The following ANKHD1 variants were observed in gnomAD, a reference collection of about 807,000 sequenced individuals.
The protein encoded by ANKHD1 is ankyrin repeat and KH domain-containing protein 1.
ANKHD1 carries 31 observed loss-of-function variants against 230.5 expected under a neutral mutation model. The observed-to-expected ratio is 0.13, with a 90% CI of 0.10 to 0.18. ANKHD1 has a LOEUF of 0.18. Among genes scored for constraint, ANKHD1 ranks in the 10% least tolerant of loss-of-function variants. The pLI is 1.00. For synonymous variants in ANKHD1, 1,074 were observed against 1,117.6 expected, an observed-to-expected ratio of 0.96 and a Z score of 0.78; for missense variants, 2,256 against 3,071.3, an observed-to-expected ratio of 0.73 and a Z score of 6.27.
At chr5:140,451,480 G>A (rs534459827) in intron 7 of ANKHD1, among the ~76,000 whole-genome samples, 109 of 152,258 alleles carry the variant, frequency 7.2e-4, no homozygotes, top group South Asian at 1.2e-3. Context: ...GTCTTGATGG[G>A]TATTGAAATT....
intron 24 of ANKHD1, among the ~76,000 whole-genome samples, chr5:140,519,313 T>C (rs1753203306): frequency 6.6e-6 from 1 of 152,162 alleles, no homozygotes; most frequent in African/African-American, 2.4e-5. Context: ...TCCATGCTCA[T>C]GAGTAGGAAG....
intron 1 of ANKHD1, among the ~76,000 whole-genome samples, chr5:140,427,929 G>A (rs1244661812): frequency 1.3e-5 from 2 of 151,546 alleles, no homozygotes; most frequent in African/African-American, 4.9e-5. Context: ...CGGGGCGGTT[G>A]CCAGGCAGAG....
intron 5 of ANKHD1, among the ~76,000 whole-genome samples, chr5:140,445,149 C>G (rs1467223740): frequency 6.6e-6 from 1 of 151,854 alleles, no homozygotes; most frequent in Non-Finnish European, 1.5e-5. Flanking sequence ...TGTGAGCCAT[C>G]GCACCTGGCC....
intron 1 of ANKHD1, among the ~76,000 whole-genome samples, chr5:140,427,982 CCT>C (rs1482810488): frequency 6.6e-6 from 1 of 151,950 alleles, no homozygotes; most frequent in African/African-American, 2.4e-5. Flanking sequence ...CAGAGACACT[CCT>C]CACATCCCGG....
chr5:140,475,704 C>G (rs1750926025), intron 10 of ANKHD1, among the ~76,000 whole-genome samples: 1 of 152,090 alleles, frequency 6.6e-6, no homozygotes. Flanking sequence ...AGACAAGAAC[C>G]TTAGGTGTCC....
At chr5:140,493,276 G>A (rs747338667) in intron 14 of ANKHD1, among the ~76,000 whole-genome samples, 1 of 152,152 alleles carries the variant, frequency 6.6e-6, no homozygotes, top group Non-Finnish European at 1.5e-5. Flanking sequence ...TGTTGGTCAG[G>A]CTGGTCTAGA....
intron 1 of ANKHD1, among the ~76,000 whole-genome samples, chr5:140,428,229 G>A (rs1735338047): frequency 6.6e-6 from 1 of 152,118 alleles, no homozygotes; most frequent in African/African-American, 2.4e-5. Flanking sequence ...CTTCCCAGAC[G>A]GGGTGGCGGC....
At chr5:140,486,283 T>C (rs1296380490) in intron 13 of ANKHD1, among the ~76,000 whole-genome samples, 1 of 152,176 alleles carries the variant, frequency 6.6e-6, no homozygotes, top group East Asian at 1.9e-4. Flanking sequence ...CAGGGTGGTC[T>C]CAAACTCCTG....
At chr5:140,472,526 T>G (rs1346240069) in intron 10 of ANKHD1, 1 of 1,148,262 alleles carries the variant, frequency 8.7e-7, no homozygotes, top group Non-Finnish European at 1.1e-6. Context: ...AAAAAATCTC[T>G]TAGGTGAAAA....
At chr5:140,423,802 T>A (rs775197681) in intron 1 of ANKHD1, among the ~76,000 whole-genome samples, 4 of 152,186 alleles carry the variant, frequency 2.6e-5, no homozygotes, top group Non-Finnish European at 5.9e-5. Context: ...TGTTAGAAAC[T>A]TGGTTCCTAG....
rs1447194943 is a variant in ANKHD1, at chr5:140,509,785, A to G, written c.3914A>G (p.Tyr1305Cys). 4 of 1,611,400 alleles carry G rather than the reference A, an allele frequency of 2.5e-6. No homozygotes were observed. The highest frequency in any genetic ancestry group is 1.7e-5 in the Admixed American group (1 of 59,132). The change falls in exon 21 of 34, where the codon TAC becomes TGC. Residue 1305 changes from tyrosine (Y) to cysteine (C), a missense_variant. Physicochemically the swap from Tyr to Cys is radical, Grantham distance 194 (BLOSUM62 -2). Transcript: ENST00000360839. ...ALTIAADKGHYKFCELLIHRG... is the reference protein window; with the variant it reads ...ALTIAADKGHCKFCELLIHRG... ...ACAATAGCAGCAGACAAAGGTCACTACAAATTTTGTGAACTCCTGATTCAT... is the reference window on the plus strand; with the variant it reads ...ACAATAGCAGCAGACAAAGGTCACTGCAAATTTTGTGAACTCCTGATTCAT...
intron 10 of ANKHD1, among the ~76,000 whole-genome samples, chr5:140,476,890 G>A (rs1387399657): frequency 6.6e-6 from 1 of 152,156 alleles, no homozygotes; most frequent in Admixed American, 6.5e-5. Context: ...GGATGTGTTA[G>A]AGAGTTTAAA....
intron 1 of ANKHD1, among the ~76,000 whole-genome samples, chr5:140,408,341 G>A (rs569730118): frequency 2.0e-5 from 3 of 152,086 alleles, no homozygotes; most frequent in Non-Finnish European, 4.4e-5. Context: ...TTTTCATTCA[G>A]TAAATTTTCT....
chr5:140,526,066 T>G lies in ANKHD1; in HGVS notation c.4563T>G (p.Ser1521=). Residue 1521 remains serine, a synonymous_variant, in exon 26 of 34, where the codon TCT becomes TCG. Transcript: ENST00000360839. ...TTTTIGISAT[S]ATFTNVFGKK... is the part of the protein sequence containing the mutation. ...CTACGATTGGAATCTCTGCAACATC[T>G]GCAACATTCACAAATGTGTTTGGGA... The G allele has an allele frequency of 6.2e-7, 1 of 1,612,888 alleles. No homozygotes were observed. Among genetic ancestry groups the G allele is most frequent in the Non-Finnish European group, 8.5e-7 (1 of 1,179,750 alleles).
intron 14 of ANKHD1, among the ~76,000 whole-genome samples, chr5:140,491,544 C>A (rs1751807384): frequency 6.6e-6 from 1 of 152,066 alleles, no homozygotes; most frequent in African/African-American, 2.4e-5. Flanking sequence ...TTACTCAGTA[C>A]TGTTTTTAAG....
chr5:140,538,855 G>C (rs1754190116), intron 32 of ANKHD1, 64 bp from the exon 33 acceptor site: 1 of 1,363,222 alleles, frequency 7.3e-7, no homozygotes, highest in Non-Finnish European at 9.5e-7. Context: ...GGTATTATGG[G>C]ATTTATAGTA....
intron 5 of ANKHD1, among the ~76,000 whole-genome samples, chr5:140,443,426 C>T (rs575580760): frequency 4.0e-5 from 6 of 151,808 alleles, no homozygotes; most frequent in Non-Finnish European, 5.9e-5. Context: ...CGTGGTGGCT[C>T]ACGCCTGTAA....
In ANKHD1 at chr5:140,537,424, G is replaced by A; in HGVS notation, c.7063G>A (p.Gly2355Arg). The A allele has an allele frequency of 6.2e-7, 1 of 1,614,144 alleles. No individual in the cohort carries two copies. Residue 2355 changes from glycine (G) to arginine (R), a missense_variant, in exon 31 of 34, where the codon GGA becomes AGA. Physicochemically the swap from Gly to Arg is moderately radical, Grantham distance 125 (BLOSUM62 -2). Coordinates refer to ENST00000360839, the MANE Select transcript of ANKHD1 (RefSeq NM_017747.3). ...SAPPTLGQPK[G>R]VSASQDRKIP... ...CCCACCAACGTTGGGCCAACCAAAA[G>A]GAGTCAGTGCCAGTCAAGATCGAAA... is the stretch of plus-strand genomic sequence containing the variant.
At chr5:140,460,356 A>G (rs558789595) in intron 9 of ANKHD1, among the ~76,000 whole-genome samples, 61 of 152,236 alleles carry the variant, frequency 4.0e-4, no homozygotes, top group Admixed American at 1.8e-3. Context: ...CTGATATATT[A>G]TTTAAAATTT....
Sources: gnomAD v4.1 joint callset for allele counts (sites outside exome capture counted in the v4.1 genomes callset) on GRCh38, gnomAD v4.1.1 for gene constraint, MANE v1.5 for transcripts, NCBI Gene and HGNC (gene_info 2026-07-23, HGNC 2026-07-21) for gene names.